AGPAT4: variants seen among roughly 807,000 people sequenced by gnomAD.
AGPAT4 encodes the protein 1-acyl-sn-glycerol-3-phosphate acyltransferase delta.
In AGPAT4, 15 loss-of-function variants were observed where a neutral mutation model predicts 48.0. The ratio of observed to expected loss-of-function variants is 0.31; its 90% CI spans 0.21 to 0.48. The LOEUF (loss-of-function observed/expected upper bound fraction) is 0.48, where lower values mean the gene tolerates loss of function less well. AGPAT4 is among the 20% of genes least tolerant of loss of function. The pLI is 0.99. For missense variants in AGPAT4, 314 were observed against 482.5 expected (o/e 0.65, Z 3.27); for synonymous variants, 178 against 198.7 (o/e 0.90, Z 0.88).
rs565408753 is a variant in AGPAT4, at chr6:161,165,452, A to G, written c.348+796T>C. On this transcript the variant is annotated intron_variant, in intron 3 of 8. Transcript: ENST00000320285. This position sits in a 1 kb window ranked among gnomAD's most constrained non-coding sequence, Gnocchi z 5.5. ...GCAAGGTGATTTCAGCAGCCCCCGTATCTGTTCTACAGGGCATTGTTCCCA... is the reference window on the plus strand; with the variant it reads ...GCAAGGTGATTTCAGCAGCCCCCGTGTCTGTTCTACAGGGCATTGTTCCCA... 4.7e-6 allele frequency: 2 copies of G among 426,088 alleles called. No individual in the cohort carries two copies. Among genetic ancestry groups the G allele is most frequent in the Admixed American group, 4.2e-5 (1 of 23,936 alleles). 26.4% of individuals were successfully genotyped at this position (426,088 alleles called of 1,614,324 possible).
In AGPAT4 at chr6:161,163,634, G is replaced by GTGCC. The variant is rs550914454; in HGVS notation, c.348+2610_348+2613dup. 1.1e-4 allele frequency among the ~76,000 whole-genome samples: 17 copies of GTGCC among 152,280 alleles called. No individual in the cohort carries two copies. In the South Asian group the frequency reaches 3.5e-3, roughly 32 times the overall value. On this transcript the variant is annotated intron_variant, in intron 3 of 8. Coordinates refer to ENST00000320285, the MANE Select transcript of AGPAT4 (RefSeq NM_020133.3). Reference sequence around the variant, plus strand: ...ATCCGCCCCAGCCAGTGCCTGCCATGTGCCTGCCCCACTCAGTCCTCTCCT... The same window carrying GTGCC: ...ATCCGCCCCAGCCAGTGCCTGCCATGTGCCTGCCTGCCCCACTCAGTCCTCTCCT...
Position 161,200,761 on chromosome 6 carries a change from G to A in AGPAT4, c.178+31275C>T, listed in dbSNP as rs13193634. Among the ~76,000 whole-genome samples the A allele has an allele frequency of 0.07, 10,643 of 152,154 alleles. 418 individuals are homozygous for A. The highest frequency in any genetic ancestry group is 0.078 in the Middle Eastern group (23 of 294). ...GCTCCATCTGTTCCTGAAGCCATAC[G>A]GTCCATGTGTTACACTGCCCCCGCA... is the stretch of plus-strand genomic sequence containing the variant. On this transcript the variant is annotated intron_variant, in intron 2 of 8. Coordinates refer to ENST00000320285, the MANE Select transcript of AGPAT4 (RefSeq NM_020133.3). The surrounding 1 kb of genome is among the most constrained non-coding windows in gnomAD (Gnocchi z 5.5).
At chr6:161,211,596 G>C (rs1781523962) in intron 2 of AGPAT4, among the ~76,000 whole-genome samples, 2 of 152,064 alleles carry the variant, frequency 1.3e-5, no homozygotes. Flanking sequence ...AGCATGTCAT[G>C]AACAGTCTGT....
intron 2 of AGPAT4, among the ~76,000 whole-genome samples, chr6:161,181,504 A>T (rs6901106): frequency 7.0e-6 from 1 of 142,094 alleles, no homozygotes. Context: ...TGGGGGTAGC[A>T]GGGGGCGGGG....
At chr6:161,237,569 T>C (rs1239819667) in intron 1 of AGPAT4, among the ~76,000 whole-genome samples, 1 of 152,172 alleles carries the variant, frequency 6.6e-6, no homozygotes, top group Non-Finnish European at 1.5e-5. Flanking sequence ...TTAGAGAATA[T>C]TAGAATACAC....
intron 2 of AGPAT4, among the ~76,000 whole-genome samples, chr6:161,187,430 G>C (rs776289413): frequency 1.3e-5 from 2 of 152,168 alleles, no homozygotes; most frequent in African/African-American, 2.4e-5. Context: ...AGCAGCAGTT[G>C]TGTAGCTAAG....
intron 1 of AGPAT4, among the ~76,000 whole-genome samples, chr6:161,257,608 A>G (rs1782977502): frequency 6.6e-6 from 1 of 152,204 alleles, no homozygotes; most frequent in Admixed American, 6.5e-5. Context: ...AATTAAATGA[A>G]GACAGAAGTT....
rs1017700390 is a variant in AGPAT4 at position 161,232,083 on chromosome 6, T to C, written c.131A>G (p.Gln44Arg). The C allele has an allele frequency of 6.2e-7, 1 of 1,613,954 alleles. No individual in the cohort carries two copies. Among genetic ancestry groups the C allele is most frequent in the Admixed American group, 1.7e-5 (1 of 60,000 alleles). The change falls in exon 2 of 9, where the codon CAG becomes CGG. Residue 44 changes from glutamine (Q) to arginine (R), a missense_variant. Coordinates refer to ENST00000320285, the MANE Select transcript of AGPAT4 (RefSeq NM_020133.3). This position sits in a 1 kb window ranked among gnomAD's most constrained non-coding sequence, Gnocchi z 6.8. The part of the protein sequence containing the change: ...FTLLLWPINK[Q>R]LFRKINCRLS... The stretch of plus-strand genomic sequence containing the variant: ...TCTGCAGTTGATCTTCCGGAAGAGC[T>C]GCTTGTTAATGGGCCAGAGGAGGAG...
chr6:161,170,471 G>GCACACACA (rs1216836382), intron 2 of AGPAT4, among the ~76,000 whole-genome samples: 11 of 113,806 alleles, frequency 9.7e-5, no homozygotes, highest in African/African-American at 3.6e-4. Flanking sequence ...ACGTGCGCGC[G>GCACACACA]CGCACACACA....
chr6:161,197,982 T>C lies in AGPAT4; in HGVS notation c.179-31565A>G, dbSNP rs745458832. On this transcript the variant is annotated intron_variant, in intron 2 of 8. Transcript: ENST00000320285. The surrounding 1 kb of genome is among the most constrained non-coding windows in gnomAD (Gnocchi z 5.7). ...GTTCTATTTTAATAAGTTCCCTTTT[T>C]GATACGATGCATTTTCTATTTCTGT... is the stretch of plus-strand genomic sequence containing the variant. Among the ~76,000 whole-genome samples the C allele has an allele frequency of 6.6e-6, 1 of 152,240 alleles. No homozygotes were observed. The highest frequency in any genetic ancestry group is 1.5e-5 in the Non-Finnish European group (1 of 68,050).
chr6:161,242,505 C>T lies in AGPAT4; in HGVS notation c.-89-10203G>A, dbSNP rs1782521250. Among the ~76,000 whole-genome samples the T allele has an allele frequency of 2.0e-5, 3 of 152,284 alleles. No homozygotes were observed. The South Asian group carries it at 6.2e-4, about 32-fold the overall frequency. ...CTCCAAACCCCATCCAGCTCGCCCG[C>T]AGCCTCATGGGGCTGGAGGGTGCAG... On this transcript the variant is annotated intron_variant, in intron 1 of 8. Coordinates refer to ENST00000320285, the MANE Select transcript of AGPAT4 (RefSeq NM_020133.3). The surrounding 1 kb of genome is among the most constrained non-coding windows in gnomAD (Gnocchi z 5.0).
rs1780063901 is a variant in AGPAT4, at chr6:161,165,348, C to T, written c.348+900G>A. ...ACCAGACCCGTCTAGTTCCCTATGT[C>T]CTCCATGGCCTGATAGCCTCTGTCT... On this transcript the variant is annotated intron_variant, in intron 3 of 8. Transcript: ENST00000320285. This position sits in a 1 kb window ranked among gnomAD's most constrained non-coding sequence, Gnocchi z 5.5. 1.3e-5 allele frequency among the ~76,000 whole-genome samples: 2 copies of T among 152,164 alleles called. No homozygotes were observed. The highest frequency in any genetic ancestry group is 4.8e-5 in the African/African-American group (2 of 41,420).
Position 161,159,027 on chromosome 6 carries a change from A to G in AGPAT4, c.349-4717T>C, listed in dbSNP as rs1467519750. Among the ~76,000 whole-genome samples the G allele has an allele frequency of 6.6e-6, 1 of 152,238 alleles. No homozygotes were observed. The highest frequency in any genetic ancestry group is 1.5e-5 in the Non-Finnish European group (1 of 68,044). ...TTCTACTAAATATATAAAATGAGGT[A>G]TCTTAAGTGGAACTTCAAAAACAGG... On this transcript the variant is annotated intron_variant, in intron 3 of 8. Transcript: ENST00000320285. This position sits in a 1 kb window ranked among gnomAD's most constrained non-coding sequence, Gnocchi z 4.1.
chr6:161,257,426 A>G (rs576473487), intron 1 of AGPAT4, among the ~76,000 whole-genome samples: 136 of 152,320 alleles, frequency 8.9e-4, no homozygotes, highest in Non-Finnish European at 1.4e-3. Context: ...CTACAGACAC[A>G]TGTGAGGATG....
rs779295122 is a variant in AGPAT4, at chr6:161,225,921, C to T, written c.178+6115G>A. 2.6e-5 allele frequency among the ~76,000 whole-genome samples: 4 copies of T among 152,130 alleles called. No homozygotes were observed. The highest frequency in any genetic ancestry group is 4.8e-5 in the African/African-American group (2 of 41,420). ...TTTAAATTCCCTTCATCATGGGTCA[C>T]GGGTCTTTTAAATTCCTTTCCATCC... On this transcript the variant is annotated intron_variant, in intron 2 of 8. Coordinates refer to ENST00000320285, the MANE Select transcript of AGPAT4 (RefSeq NM_020133.3). This position sits in a 1 kb window ranked among gnomAD's most constrained non-coding sequence, Gnocchi z 5.0.
chr6:161,206,550 T>G lies in AGPAT4; in HGVS notation c.178+25486A>C, dbSNP rs1380417436. On this transcript the variant is annotated intron_variant, in intron 2 of 8. Coordinates refer to ENST00000320285, the MANE Select transcript of AGPAT4 (RefSeq NM_020133.3). This position sits in a 1 kb window ranked among gnomAD's most constrained non-coding sequence, Gnocchi z 4.8. Reference sequence around the variant, plus strand: ...CATCCCTTGACCCAGTGACACAGTATCAGAGAAAATCTGTTAAAACAAGTT... The same window carrying G: ...CATCCCTTGACCCAGTGACACAGTAGCAGAGAAAATCTGTTAAAACAAGTT... Among the ~76,000 whole-genome samples the G allele has an allele frequency of 1.3e-5, 2 of 152,178 alleles. No individual in the cohort carries two copies. Among genetic ancestry groups the G allele is most frequent in the Admixed American group, 1.3e-4 (2 of 15,272 alleles).
rs1017854735 is a variant in AGPAT4 at position 161,139,952 on chromosome 6, G to A, written c.844-332C>T. Among the ~76,000 whole-genome samples the A allele has an allele frequency of 1.3e-5, 2 of 152,232 alleles. No homozygotes were observed. The highest frequency in any genetic ancestry group is 4.8e-5 in the African/African-American group (2 of 41,470). On this transcript the variant is annotated intron_variant, in intron 7 of 8. Coordinates refer to ENST00000320285, the MANE Select transcript of AGPAT4 (RefSeq NM_020133.3). This position sits in a 1 kb window ranked among gnomAD's most constrained non-coding sequence, Gnocchi z 9.1. ...CAGGCACCTGCATCCCTGAGCCCAGGCCCCAGTCTGTCTAATGGGGCAGCA... is the reference window on the plus strand; with the variant it reads ...CAGGCACCTGCATCCCTGAGCCCAGACCCCAGTCTGTCTAATGGGGCAGCA...
rs1280771144 is a variant in AGPAT4 at position 161,139,972 on chromosome 6, G to A, written c.844-352C>T. Among the ~76,000 whole-genome samples, 1 of 152,224 alleles carries A rather than the reference G, an allele frequency of 6.6e-6. No homozygotes were observed. The highest frequency in any genetic ancestry group is 2.4e-5 in the African/African-American group (1 of 41,472). On this transcript the variant is annotated intron_variant, in intron 7 of 8. Coordinates refer to ENST00000320285, the MANE Select transcript of AGPAT4 (RefSeq NM_020133.3). This position sits in a 1 kb window ranked among gnomAD's most constrained non-coding sequence, Gnocchi z 9.1. ...CCCAGGCCCCAGTCTGTCTAATGGGGCAGCAGTGCCTTCCACGATAGGTCG... is the reference window on the plus strand; with the variant it reads ...CCCAGGCCCCAGTCTGTCTAATGGGACAGCAGTGCCTTCCACGATAGGTCG...
chr6:161,193,438 G>A (rs901100803), intron 2 of AGPAT4, among the ~76,000 whole-genome samples: 6 of 152,186 alleles, frequency 3.9e-5, no homozygotes, highest in African/African-American at 1.4e-4. Flanking sequence ...CATCATGGTT[G>A]GAGATTTCCA....
Sources: allele counts gnomAD v4.1 joint callset (sites outside exome capture counted in the v4.1 genomes callset), GRCh38; gene constraint gnomAD v4.1.1; non-coding constraint Gnocchi (gnomAD v3.1); transcripts MANE v1.5; gene names NCBI Gene and HGNC (gene_info 2026-07-23, HGNC 2026-07-21).